RALGAPA1: variants seen among roughly 807,000 people sequenced by gnomAD.
RALGAPA1 encodes Ral GTPase activating protein catalytic subunit alpha 1.
Under a neutral mutation model 269.6 loss-of-function variants are expected in RALGAPA1, and 52 were observed. That is an observed-to-expected ratio of 0.19 (90% CI 0.15 to 0.24). The LOEUF is 0.24. Ranked by LOEUF, RALGAPA1 falls within the 10% of genes least tolerant of loss-of-function variation. RALGAPA1 has a pLI of 1.00. For missense variants in RALGAPA1, 1,917 were observed against 3,013.9 expected, an observed-to-expected ratio of 0.64 and a Z score of 8.52; for synonymous variants, 817 against 1,008.3, an observed-to-expected ratio of 0.81 and a Z score of 3.60.
At position 35,627,204 on chromosome 14, in the gene RALGAPA1, T is replaced by A. The variant is rs762457673; in HGVS notation, c.6743A>T (p.Asp2248Val). ...TTGTTCCACAGCTTTCATGTTTAAG[T>A]CATTAAAGTGCTTCTCAACAAATTC... ...EKEFVEKHFN[D>V]LNMKAVEQDE... The change falls in exon 34 of 42, where the codon GAC becomes GTC. Residue 2248 changes from aspartate (D) to valine (V), a missense_variant. Coordinates refer to ENST00000680220, the MANE Select transcript of RALGAPA1 (RefSeq NM_001346249.2). 6.3e-7 allele frequency: 1 copy of A among 1,599,238 alleles called. No homozygotes were observed. Among genetic ancestry groups the A allele is most frequent in the Admixed American group, 1.8e-5 (1 of 55,682 alleles).
At chr14:35,725,915 C>T (rs1195260302) in intron 13 of RALGAPA1, among the ~76,000 whole-genome samples, 2 of 152,138 alleles carry the variant, frequency 1.3e-5, no homozygotes, top group African/African-American at 4.8e-5. Flanking sequence ...TAAACCAATT[C>T]TATTATTATC....
intron 39 of RALGAPA1, among the ~76,000 whole-genome samples, chr14:35,561,554 G>A (rs1002635556): frequency 8.8e-6 from 1 of 113,726 alleles, no homozygotes; most frequent in Non-Finnish European, 1.7e-5. Flanking sequence ...TTACACTGTT[G>A]CCCAGGCTGG....
chr14:35,658,066 A>C (rs2063314332), intron 28 of RALGAPA1, among the ~76,000 whole-genome samples: 1 of 152,232 alleles, frequency 6.6e-6, no homozygotes, highest in Non-Finnish European at 1.5e-5. Flanking sequence ...CTTTCTAAGC[A>C]TCAGTATCTG....
At chr14:35,715,256 T>C (rs750139586) in intron 16 of RALGAPA1, among the ~76,000 whole-genome samples, 12 of 152,314 alleles carry the variant, frequency 7.9e-5, no homozygotes, top group African/African-American at 2.6e-4. Flanking sequence ...CCCGTCTCAA[T>C]GTCCTGGGTA....
chr14:35,587,226 C>T (rs2058354547), intron 37 of RALGAPA1, among the ~76,000 whole-genome samples: 1 of 152,116 alleles, frequency 6.6e-6, no homozygotes, highest in Non-Finnish European at 1.5e-5. Context: ...TCCATTTCTT[C>T]TAGATTTTCT....
intron 16 of RALGAPA1, chr14:35,706,973 T>C (rs1399516432): frequency 6.6e-6 from 1 of 152,260 alleles, no homozygotes; most frequent in Non-Finnish European, 1.5e-5. Flanking sequence ...TTTCTATCCA[T>C]GTACATGAAC....
At chr14:35,649,435 C>T (rs897806631) in intron 31 of RALGAPA1, among the ~76,000 whole-genome samples, 3 of 152,134 alleles carry the variant, frequency 2.0e-5, no homozygotes, top group Non-Finnish European at 4.4e-5. Flanking sequence ...AGAAGTACCA[C>T]GTTCATAGTG....
At chr14:35,701,038 A>G (rs527595978) in intron 16 of RALGAPA1, among the ~76,000 whole-genome samples, 258 of 152,290 alleles carry the variant, frequency 1.7e-3, no homozygotes, top group Non-Finnish European at 3.1e-3. Context: ...AAAACTTAAA[A>G]TTGTTTTCAA....
chr14:35,567,717 T>G (rs1002365331), intron 39 of RALGAPA1, among the ~76,000 whole-genome samples: 1 of 152,014 alleles, frequency 6.6e-6, no homozygotes, highest in African/African-American at 2.4e-5. Flanking sequence ...TGGTAAGGAG[T>G]GCATCTTAAA....
At chr14:35,786,410 C>T (rs955308553) in intron 1 of RALGAPA1, among the ~76,000 whole-genome samples, 5 of 151,954 alleles carry the variant, frequency 3.3e-5, no homozygotes, top group South Asian at 2.1e-4. Flanking sequence ...GAGGCTGAGG[C>T]GGGCGGATCA....
At position 35,674,263 on chromosome 14, in the gene RALGAPA1, C is replaced by T. The variant is rs1413176303; in HGVS notation, c.4834G>A (p.Gly1612Ser). The change falls in exon 24 of 42, where the codon GGC (glycine) becomes AGC (serine). Residue 1612 changes from glycine (G) to serine (S), a missense_variant. Physicochemically the swap from Gly to Ser is moderately conservative, Grantham distance 56. Coordinates refer to ENST00000680220, the MANE Select transcript of RALGAPA1 (RefSeq NM_001346249.2). ...GAGGTCAGGTTATCAGTTGAAATGC[C>T]AAGGTTATCTCTAATCTGTAATTTT... ...QNLAKIRDNL[G>S]ISTDNLTSPS... The T allele has an allele frequency of 6.2e-7, 1 of 1,610,344 alleles. No homozygotes were observed. The highest frequency in any genetic ancestry group is 8.5e-7 in the Non-Finnish European group (1 of 1,177,854).
intron 17 of RALGAPA1, among the ~76,000 whole-genome samples, chr14:35,691,633 G>A (rs1450556842): frequency 2.0e-5 from 3 of 152,158 alleles, no homozygotes; most frequent in East Asian, 1.9e-4. Flanking sequence ...GTCATTCAAA[G>A]TATTTTTGGG....
chr14:35,769,895 C>T (rs949084304), intron 4 of RALGAPA1, among the ~76,000 whole-genome samples: 3 of 152,234 alleles, frequency 2.0e-5, no homozygotes, highest in East Asian at 1.9e-4. Context: ...AAAATGTTAC[C>T]TACCACTCAT....
intron 17 of RALGAPA1, among the ~76,000 whole-genome samples, chr14:35,692,204 T>C (rs1190450133): frequency 6.6e-6 from 1 of 152,126 alleles, no homozygotes; most frequent in Non-Finnish European, 1.5e-5. Context: ...AGCTGTTCTA[T>C]AAGAATTCTT....
At chr14:35,686,041 A>G (rs570165657) in intron 19 of RALGAPA1, among the ~76,000 whole-genome samples, 1 of 152,268 alleles carries the variant, frequency 6.6e-6, no homozygotes, top group South Asian at 2.1e-4. Flanking sequence ...AAAATGGTTA[A>G]GCAGTATTTG....
chr14:35,619,736 T>G (rs1037859283), intron 35 of RALGAPA1, among the ~76,000 whole-genome samples: 1 of 152,076 alleles, frequency 6.6e-6, no homozygotes, highest in African/African-American at 2.4e-5. Context: ...GCAAATAAAC[T>G]AGAAAATCTA....
At chr14:35,699,014 T>G (rs531841721) in intron 17 of RALGAPA1, among the ~76,000 whole-genome samples, 1 of 152,188 alleles carries the variant, frequency 6.6e-6, no homozygotes, top group African/African-American at 2.4e-5. Context: ...GCTTAAAATA[T>G]TCAGGTTGCC....
intron 21 of RALGAPA1, 59 bp downstream of exon 21, chr14:35,683,749 CA>C: frequency 1.5e-6 from 2 of 1,319,244 alleles, no homozygotes; most frequent in Non-Finnish European, 2.1e-6. Context: ...AAATTTTAAT[CA>C]AATTCTTTGA....
intron 31 of RALGAPA1, among the ~76,000 whole-genome samples, chr14:35,637,285 C>T (rs536325254): frequency 1.3e-5 from 2 of 152,228 alleles, no homozygotes; most frequent in South Asian, 2.1e-4. Context: ...GAATTCAAAA[C>T]AGCTGTTTTG....
Sources: allele counts gnomAD v4.1 joint callset (sites outside exome capture counted in the v4.1 genomes callset), GRCh38; gene constraint gnomAD v4.1.1; transcripts MANE v1.5; gene names NCBI Gene and HGNC (gene_info 2026-07-23, HGNC 2026-07-21).